The following HTR1F variants were observed in gnomAD, a reference collection of about 807,000 sequenced individuals.
The protein encoded by HTR1F is 5-hydroxytryptamine receptor 1F, also known as 5-hydroxytryptamine (serotonin) receptor 1F, G protein-coupled.
In HTR1F, 17 loss-of-function variants were observed where a neutral mutation model predicts 24.0. The ratio of observed to expected loss-of-function variants is 0.71; its 90% CI spans 0.48 to 1.06. The LOEUF (loss-of-function observed/expected upper bound fraction) is 1.06, where lower values mean the gene tolerates loss of function less well. Among genes scored for constraint, HTR1F ranks in the 50% least tolerant of loss-of-function variants. The probability of loss-of-function intolerance (pLI) is 0.00; values close to 1 mark genes in which losing one functional copy is unlikely to be tolerated. For missense variants in HTR1F, 391 were observed against 427.8 expected (o/e 0.91, Z 0.76); for synonymous variants, 186 against 156.8 (o/e 1.19, Z -1.39).
intron 2 of HTR1F, among the ~76,000 whole-genome samples, chr3:87,895,080 C>T (rs1706169914): frequency 6.6e-6 from 1 of 152,182 alleles, no homozygotes; most frequent in Admixed American, 6.5e-5. Flanking sequence ...GAAAGAGTAT[C>T]TACTCAGACA....
intron 2 of HTR1F, among the ~76,000 whole-genome samples, chr3:87,927,153 C>G (rs1239104293): frequency 6.6e-6 from 1 of 152,080 alleles, no homozygotes; most frequent in African/African-American, 2.4e-5. Context: ...TGGTTATATG[C>G]CACAACTTAA....
At chr3:87,808,069 G>A (rs531937516) in intron 1 of HTR1F, among the ~76,000 whole-genome samples, 2 of 151,778 alleles carry the variant, frequency 1.3e-5, no homozygotes, top group South Asian at 4.1e-4. Flanking sequence ...AGGTATATTG[G>A]CCTGTAGTTT....
At chr3:87,826,921 C>A (rs575419489) in intron 2 of HTR1F, among the ~76,000 whole-genome samples, 1 of 152,116 alleles carries the variant, frequency 6.6e-6, no homozygotes, top group South Asian at 2.1e-4. Context: ...ATAGATCCTC[C>A]CACCTCAGCC....
At chr3:87,831,828 A>T (rs1015310065) in intron 2 of HTR1F, among the ~76,000 whole-genome samples, 4 of 152,234 alleles carry the variant, frequency 2.6e-5, no homozygotes, top group African/African-American at 9.6e-5. Flanking sequence ...TCATTAATCA[A>T]GAAATTGAAT....
chr3:87,883,003 G>A (rs1055879870), intron 2 of HTR1F, among the ~76,000 whole-genome samples: 2 of 152,176 alleles, frequency 1.3e-5, no homozygotes, highest in South Asian at 2.1e-4. Context: ...CTCCTCAAGT[G>A]GGTTCCTGAC....
chr3:87,855,582 A>G (rs1705181333), intron 2 of HTR1F, among the ~76,000 whole-genome samples: 1 of 152,028 alleles, frequency 6.6e-6, no homozygotes, highest in Non-Finnish European at 1.5e-5. Context: ...CCACATTTTT[A>G]GAATTTTTTT....
chr3:87,885,373 GC>G (rs1705912337), intron 2 of HTR1F, among the ~76,000 whole-genome samples: 1 of 152,102 alleles, frequency 6.6e-6, no homozygotes, highest in Non-Finnish European at 1.5e-5. Flanking sequence ...AGCACTAAAT[GC>G]CCACAAGAGA....
intron 2 of HTR1F, among the ~76,000 whole-genome samples, chr3:87,861,495 G>C (rs1383559091): frequency 6.6e-6 from 1 of 151,984 alleles, no homozygotes; most frequent in Non-Finnish European, 1.5e-5. Context: ...TACAAGGACT[G>C]TATTTCCATA....
At chr3:87,934,420 T>C (rs1704362334) in intron 2 of HTR1F, among the ~76,000 whole-genome samples, 1 of 152,188 alleles carries the variant, frequency 6.6e-6, no homozygotes, top group Non-Finnish European at 1.5e-5. Flanking sequence ...CACCTGGAAC[T>C]GCTTTGTCTC....
At chr3:87,979,919 G>A (rs1559656874) in intron 2 of HTR1F, among the ~76,000 whole-genome samples, 2 of 152,248 alleles carry the variant, frequency 1.3e-5, no homozygotes, top group Non-Finnish European at 2.9e-5. Flanking sequence ...GGAGAATGCA[G>A]TAGCACCTGG....
intron 2 of HTR1F, among the ~76,000 whole-genome samples, chr3:87,829,972 A>G (rs1363801793): frequency 6.6e-6 from 1 of 151,474 alleles, no homozygotes; most frequent in East Asian, 1.9e-4. Context: ...TTATCCTTAA[A>G]TAGTCTTTAG....
Position 87,828,970 on chromosome 3 carries a change from A to G in HTR1F, c.-43+6846A>G, listed in dbSNP as rs183646517. ...AGGTGCTTTTCATCAACAGAAAACC[A>G]CTTGCTGACATGTGGTTCATTTCTA... On this transcript the variant is annotated intron_variant, in intron 2 of 2. Transcript: ENST00000319595. Among the ~76,000 whole-genome samples the G allele has an allele frequency of 3.2e-4, 49 of 151,970 alleles. 2 individuals are homozygous for G. Among genetic ancestry groups the G allele is most frequent in the African/African-American group, 1.1e-3 (44 of 41,450 alleles).
chr3:87,880,454 C>T (rs1001014381), intron 2 of HTR1F, among the ~76,000 whole-genome samples: 2 of 152,096 alleles, frequency 1.3e-5, no homozygotes, highest in African/African-American at 4.8e-5. Flanking sequence ...AACTTACTTT[C>T]TTAGGATACA....
rs76201831 is a variant in HTR1F, at chr3:87,805,762, T to C, written c.-160+12920T>C. 3.0e-3 allele frequency among the ~76,000 whole-genome samples: 460 copies of C among 152,226 alleles called. 3 individuals carry two copies. Among genetic ancestry groups the C allele is most frequent in the African/African-American group, 0.011 (445 of 41,552 alleles). ...CCACTACGGCACACGTTTACCCGTG[T>C]AACAAATCTGCATATCCTGCACGTG... On this transcript the variant is annotated intron_variant, in intron 1 of 2. Transcript: ENST00000319595.
Position 87,928,988 on chromosome 3 carries a change from G to T in HTR1F, c.-42-61720G>T, listed in dbSNP as rs138373159. On this transcript the variant is annotated intron_variant, in intron 2 of 2. Coordinates refer to ENST00000319595, the MANE Select transcript of HTR1F (RefSeq NM_001322209.2). ...CATATCCATTTTTATTTTCAAGAAG[G>T]TAGTGTGTTAGTTTGGAGAAATGAG... Among the ~76,000 whole-genome samples the T allele has an allele frequency of 2.3e-4, 35 of 152,306 alleles. 1 individual carries two copies. The highest frequency in any genetic ancestry group is 6.0e-4 in the African/African-American group (25 of 41,562).
chr3:87,850,407 A>G (rs916651157), intron 2 of HTR1F, among the ~76,000 whole-genome samples: 1 of 151,888 alleles, frequency 6.6e-6, no homozygotes, highest in African/African-American at 2.4e-5. Flanking sequence ...GAATTGAACA[A>G]TGAGAACACA....
intron 2 of HTR1F, among the ~76,000 whole-genome samples, chr3:87,948,747 G>C (rs6551258): frequency 0.18 from 26,848 of 152,018 alleles, 2,595 homozygotes; most frequent in African/African-American, 0.27. Context: ...TCCCAGCTTT[G>C]GGACTCCAGG....
intron 2 of HTR1F, among the ~76,000 whole-genome samples, chr3:87,873,799 C>T (rs1281701474): frequency 1.3e-5 from 2 of 151,986 alleles, no homozygotes; most frequent in Admixed American, 1.3e-4. Flanking sequence ...ATGTGATACA[C>T]CGTTAAAAGG....
chr3:87,949,073 A>T (rs1704776967), intron 2 of HTR1F, among the ~76,000 whole-genome samples: 1 of 151,984 alleles, frequency 6.6e-6, no homozygotes, highest in African/African-American at 2.4e-5. Flanking sequence ...ATGACTGTTT[A>T]AAAAAAAGTC....
Sources: gnomAD v4.1 joint callset for allele counts (sites outside exome capture counted in the v4.1 genomes callset) on GRCh38, gnomAD v4.1.1 for gene constraint, MANE v1.5 for transcripts, NCBI Gene and HGNC (gene_info 2026-07-23, HGNC 2026-07-21) for gene names.